GMDS: variants seen among roughly 807,000 people sequenced by gnomAD.
GMDS encodes GDP-mannose 4,6-dehydratase, also known as GDP-mannose 4,6 dehydratase.
Under a neutral mutation model 49.9 loss-of-function variants are expected in GMDS, and 20 were observed. The ratio of observed to expected loss-of-function variants is 0.40; its 90% CI spans 0.28 to 0.58. The LOEUF (loss-of-function observed/expected upper bound fraction) is 0.58, where lower values mean the gene tolerates loss of function less well. GMDS is among the 20% of genes least tolerant of loss of function. GMDS has a pLI of 0.42. For missense variants in GMDS, 362 were observed against 481.4 expected (o/e 0.75, Z 2.32); for synonymous variants, 177 against 178.6 (o/e 0.99, Z 0.07).
At chr6:1,695,735 G>A (rs1245858202) in intron 9 of GMDS, among the ~76,000 whole-genome samples, 4 of 152,090 alleles carry the variant, frequency 2.6e-5, no homozygotes, top group African/African-American at 9.7e-5. Flanking sequence ...GTCACTCTGA[G>A]GTCCTGGCAC....
chr6:1,794,316 C>CAAA (rs34140629), intron 7 of GMDS, among the ~76,000 whole-genome samples: 1 of 148,484 alleles, frequency 6.7e-6, no homozygotes. Flanking sequence ...TTCACTGAGG[C>CAAA]AAAAAAAAAA....
chr6:1,939,904 C>T (rs550148053), intron 6 of GMDS, among the ~76,000 whole-genome samples: 2 of 152,200 alleles, frequency 1.3e-5, no homozygotes, highest in South Asian at 2.1e-4. Context: ...CTGATGATGC[C>T]GTAGACGTAA....
intron 7 of GMDS, among the ~76,000 whole-genome samples, chr6:1,809,500 T>A (rs1770321400): frequency 6.6e-6 from 1 of 152,162 alleles, no homozygotes; most frequent in African/African-American, 2.4e-5. Context: ...AACAAAATAA[T>A]CTTGTGACTC....
intron 1 of GMDS, among the ~76,000 whole-genome samples, chr6:2,212,374 A>C (rs926392398): frequency 1.3e-5 from 2 of 152,230 alleles, no homozygotes; most frequent in African/African-American, 4.8e-5. Context: ...ACACTGCTTC[A>C]AGCAGCGAGC....
intron 1 of GMDS, among the ~76,000 whole-genome samples, chr6:2,231,954 T>A (rs1781128982): frequency 1.3e-5 from 2 of 152,202 alleles, no homozygotes; most frequent in African/African-American, 4.8e-5. Flanking sequence ...CAAATGAAAT[T>A]TTTTTAATAG....
At chr6:2,196,746 ACT>A (rs1266361909) in intron 1 of GMDS, among the ~76,000 whole-genome samples, 1 of 152,090 alleles carries the variant, frequency 6.6e-6, no homozygotes, top group Non-Finnish European at 1.5e-5. Flanking sequence ...ACAAAAGTAC[ACT>A]CTGTTACCAA....
At chr6:1,817,141 C>T (rs542442930) in intron 7 of GMDS, among the ~76,000 whole-genome samples, 100 of 150,814 alleles carry the variant, frequency 6.6e-4, no homozygotes, top group African/African-American at 2.4e-3. Context: ...ACATAACACA[C>T]ATACAAGATG....
At chr6:1,742,629 G>A (rs1767317374) in intron 7 of GMDS, 43 bp from the exon 8 acceptor site, 1 of 1,016,160 alleles carries the variant, frequency 9.8e-7, no homozygotes, top group East Asian at 2.4e-5. Flanking sequence ...GTCACACTCA[G>A]TGGCCACACA....
chr6:1,939,400 C>T (rs539775261), intron 6 of GMDS, among the ~76,000 whole-genome samples: 8 of 152,032 alleles, frequency 5.3e-5, no homozygotes, highest in African/African-American at 1.9e-4. Flanking sequence ...TCATCCCCTT[C>T]CAGAATGCAC....
rs1346011821 is a variant in GMDS at position 1,681,693 on chromosome 6, T to C, written c.987+44723A>G. Among the ~76,000 whole-genome samples, 3 of 152,202 alleles carry C rather than the reference T, an allele frequency of 2.0e-5. No homozygotes were observed. In the East Asian group the frequency reaches 5.8e-4, roughly 29 times the overall value. ...GGTGCTAAAGAGAATGCCGTGAATC[T>C]GATTTTCAAAACACCACTCAGTGTG... On this transcript the variant is annotated intron_variant, in intron 9 of 10. Transcript: ENST00000380815.
chr6:2,157,458 A>G (rs970905580), intron 1 of GMDS, among the ~76,000 whole-genome samples: 1 of 152,224 alleles, frequency 6.6e-6, no homozygotes, highest in African/African-American at 2.4e-5. Context: ...GTGGTAAGAA[A>G]TCTATGTCTC....
chr6:1,813,495 C>T (rs2113686066), intron 7 of GMDS, among the ~76,000 whole-genome samples: 1 of 152,244 alleles, frequency 6.6e-6, no homozygotes, highest in East Asian at 1.9e-4. Context: ...CTTCTTTTAT[C>T]ATTTGAAAAC....
At chr6:1,802,593 T>C (rs2113661569) in intron 7 of GMDS, among the ~76,000 whole-genome samples, 1 of 152,314 alleles carries the variant, frequency 6.6e-6, no homozygotes, top group South Asian at 2.1e-4. Context: ...TAGTGTGACA[T>C]TAACACAGGG....
intron 7 of GMDS, among the ~76,000 whole-genome samples, chr6:1,890,887 G>A (rs1030820377): frequency 6.6e-6 from 1 of 152,212 alleles, no homozygotes; most frequent in Non-Finnish European, 1.5e-5. Flanking sequence ...CCGTGTCAAT[G>A]TGAACAGTTG....
chr6:2,129,322 A>G (rs1301571122), intron 1 of GMDS, among the ~76,000 whole-genome samples: 1 of 152,122 alleles, frequency 6.6e-6, no homozygotes, highest in African/African-American at 2.4e-5. Flanking sequence ...CTCCCGCAAC[A>G]CAGGAAGACT....
At chr6:2,207,660 G>A (rs3778565) in intron 1 of GMDS, among the ~76,000 whole-genome samples, 41,024 of 151,710 alleles carry the variant, frequency 0.27, 7,489 homozygotes, top group African/African-American at 0.5. Context: ...CAGATGCTCA[G>A]TAAATATTTG....
At position 1,969,261 on chromosome 6, in the gene GMDS, CAAAAAAAA is replaced by C. The variant is rs761741871; in HGVS notation, c.346-8303_346-8296del. On this transcript the variant is annotated intron_variant, in intron 4 of 10. Coordinates refer to ENST00000380815, the MANE Select transcript of GMDS (RefSeq NM_001500.4). The stretch of plus-strand genomic sequence containing the variant: ...TGGGTGACAGAGTGAGGCTCCATCT[CAAAAAAAA>C]AAAAAAAAAAAAAAAAAAAAAGAGA... Among the ~76,000 whole-genome samples the C allele has an allele frequency of 9.1e-3, 128 of 14,076 alleles. 1 individual carries two copies. Among genetic ancestry groups the C allele is most frequent in the South Asian group, 0.041 (12 of 294 alleles). The allele number at this position is 14,076 out of a possible 152,430, so 9.2% of individuals were successfully genotyped here.
intron 9 of GMDS, among the ~76,000 whole-genome samples, chr6:1,711,681 T>G (rs1006286625): frequency 1.3e-5 from 2 of 152,230 alleles, no homozygotes; most frequent in African/African-American, 2.4e-5. Flanking sequence ...ACCTTGCTTA[T>G]CTCTGTGCTA....
intron 1 of GMDS, among the ~76,000 whole-genome samples, chr6:2,202,619 C>T (rs958482459): frequency 1.4e-4 from 21 of 152,036 alleles, no homozygotes; most frequent in East Asian, 1.2e-3. Flanking sequence ...GGAACAGTCA[C>T]GGTAGCTCAT....
Sources: gnomAD v4.1 joint callset for allele counts (sites outside exome capture counted in the v4.1 genomes callset) on GRCh38, gnomAD v4.1.1 for gene constraint, MANE v1.5 for transcripts, NCBI Gene and HGNC (gene_info 2026-07-23, HGNC 2026-07-21) for gene names.